The following DSCAM variants were observed in gnomAD, a reference collection of about 807,000 sequenced individuals.
DSCAM encodes DS cell adhesion molecule.
A neutral mutation model predicts 217.7 loss-of-function variants in DSCAM; 47 were observed. The ratio of observed to expected loss-of-function variants is 0.22; its 90% CI spans 0.17 to 0.28. DSCAM has a LOEUF of 0.28. DSCAM is among the 10% of genes least tolerant of loss of function. The pLI, the probability that DSCAM is intolerant of heterozygous loss-of-function variation, is 1.00. For missense variants in DSCAM, 2,080 were observed against 2,618.3 expected, an observed-to-expected ratio of 0.79 and a Z score of 4.49; for synonymous variants, 1,056 against 1,015.3, an observed-to-expected ratio of 1.04 and a Z score of -0.76.
chr21:40,157,284 A>G (rs191252329), intron 16 of DSCAM, among the ~76,000 whole-genome samples: 240 of 152,316 alleles, frequency 1.6e-3, no homozygotes, highest in African/African-American at 5.2e-3. Context: ...AGCTGAAAAT[A>G]TCTGCTCTCT....
chr21:40,351,798 G>A (rs2074634094), intron 5 of DSCAM, among the ~76,000 whole-genome samples: 1 of 152,298 alleles, frequency 6.6e-6, no homozygotes, highest in East Asian at 1.9e-4. Flanking sequence ...CGCCTTTAGA[G>A]AGAAAGCAGT....
intron 32 of DSCAM, among the ~76,000 whole-genome samples, chr21:40,037,007 G>T (rs535487753): frequency 0.018 from 2,697 of 150,414 alleles, 301 homozygotes; most frequent in African/African-American, 0.064. Context: ...GGTATTGATG[G>T]GACGTATTTC....
intron 3 of DSCAM, among the ~76,000 whole-genome samples, chr21:40,683,020 G>T (rs1297004859): frequency 2.6e-5 from 4 of 152,212 alleles, no homozygotes; most frequent in African/African-American, 9.6e-5. Context: ...AGTCAGTCAT[G>T]TAAGGACAGC....
chr21:40,718,917 G>C (rs1439306721), intron 1 of DSCAM, among the ~76,000 whole-genome samples: 2 of 152,004 alleles, frequency 1.3e-5, no homozygotes, highest in African/African-American at 4.8e-5. Flanking sequence ...CTTGAGCCCA[G>C]GAATTCAAGA....
chr21:40,447,570 T>A (rs972904143), intron 3 of DSCAM, among the ~76,000 whole-genome samples: 1 of 152,216 alleles, frequency 6.6e-6, no homozygotes, highest in Non-Finnish European at 1.5e-5. Context: ...GAAAGACTGA[T>A]TCTAATTTAC....
At position 40,764,477 on chromosome 21, in the gene DSCAM, T is replaced by C. The variant is rs189976074; in HGVS notation, c.44-55706A>G. Among the ~76,000 whole-genome samples the C allele has an allele frequency of 2.0e-5, 3 of 152,142 alleles. No individual in the cohort carries two copies. In the East Asian group the frequency reaches 5.8e-4, roughly 29 times the overall value. On this transcript the variant is annotated intron_variant, in intron 1 of 32. Transcript: ENST00000400454. The stretch of plus-strand genomic sequence containing the variant: ...AGACGCTGGTGAGGATGCAGAGAAA[T>C]AGGAACACTTTCACACTGTTGGTGG...
chr21:40,548,601 T>C (rs1014275192), intron 3 of DSCAM, among the ~76,000 whole-genome samples: 6 of 152,032 alleles, frequency 3.9e-5, no homozygotes, highest in African/African-American at 1.4e-4. Flanking sequence ...GCACGTGCAA[T>C]TTCCTGAAAC....
intron 3 of DSCAM, among the ~76,000 whole-genome samples, chr21:40,392,709 CA>C (rs917818450): frequency 1.3e-5 from 2 of 152,126 alleles, no homozygotes; most frequent in African/African-American, 4.8e-5. Flanking sequence ...GCATTTCCCC[CA>C]GGTCCTGCCA....
chr21:40,675,464 C>G (rs1253457449), intron 3 of DSCAM, among the ~76,000 whole-genome samples: 1 of 152,198 alleles, frequency 6.6e-6, no homozygotes, highest in Admixed American at 6.5e-5. Context: ...CCTATAGAAT[C>G]CCCACGCCAA....
At chr21:40,167,046 T>C (rs923763267) in intron 16 of DSCAM, among the ~76,000 whole-genome samples, 172 bp downstream of exon 16, 1 of 151,610 alleles carries the variant, frequency 6.6e-6, no homozygotes, top group African/African-American at 2.4e-5. Context: ...GCTGTAAAAG[T>C]ATTCAAAATG....
intron 3 of DSCAM, among the ~76,000 whole-genome samples, chr21:40,459,591 C>T (rs1000048334): frequency 3.3e-5 from 5 of 152,078 alleles, no homozygotes; most frequent in East Asian, 3.9e-4. Flanking sequence ...ATGAACAGCA[C>T]GTTGAAATGC....
Position 40,338,368 on chromosome 21 carries a change from T to C in DSCAM, c.1516A>G (p.Ser506Gly). ...GTGATGTTTTTCATTGGTCGAATGC[T>C]TGCAGGCCCTGGAGAGACACAAAGA... The part of the protein sequence containing the change: ...QARINVRGPA[S>G]IRPMKNITAI... Residue 506 changes from serine to glycine, a missense_variant, in exon 8 of 33, where the codon AGC (serine) becomes GGC (glycine). Around this residue, in one of 5 missense-constraint regions of DSCAM, gnomAD observed 568 missense variants for 678.1 expected, o/e 0.84. Coordinates refer to ENST00000400454, the MANE Select transcript of DSCAM (RefSeq NM_001389.5). 1 of 1,612,682 alleles carries C rather than the reference T, an allele frequency of 6.2e-7. No individual in the cohort carries two copies.
chr21:40,223,934 C>T (rs1266256094), intron 11 of DSCAM, among the ~76,000 whole-genome samples: 2 of 152,314 alleles, frequency 1.3e-5, no homozygotes, highest in South Asian at 2.1e-4. Context: ...GAAACCCCTA[C>T]CCCACCCCAC....
intron 4 of DSCAM, among the ~76,000 whole-genome samples, chr21:40,357,181 T>C (rs1318004633): frequency 1.3e-5 from 2 of 152,216 alleles, no homozygotes; most frequent in Admixed American, 6.5e-5. Context: ...AATACCCAGG[T>C]ACAGAGCCTG....
chr21:40,206,575 T>A (rs1213394211), intron 11 of DSCAM, among the ~76,000 whole-genome samples: 1 of 152,076 alleles, frequency 6.6e-6, no homozygotes, highest in Non-Finnish European at 1.5e-5. Flanking sequence ...CATTTCCACA[T>A]AGCTATTTGG....
intron 3 of DSCAM, among the ~76,000 whole-genome samples, chr21:40,405,414 G>A (rs1421561380): frequency 6.6e-6 from 1 of 152,126 alleles, no homozygotes; most frequent in Non-Finnish European, 1.5e-5. Context: ...GTGGTCCCCA[G>A]TAGAAAAGCC....
intron 3 of DSCAM, among the ~76,000 whole-genome samples, chr21:40,540,736 C>T (rs2076536722): frequency 6.6e-6 from 1 of 152,200 alleles, no homozygotes; most frequent in South Asian, 2.1e-4. Context: ...CCATCCCTCC[C>T]AGCCTTTCTG....
chr21:40,149,590 T>C (rs2090400740), intron 16 of DSCAM, among the ~76,000 whole-genome samples: 1 of 139,296 alleles, frequency 7.2e-6, no homozygotes, highest in Non-Finnish European at 1.5e-5. Context: ...CCAACACCAC[T>C]GTCACCACCA....
At chr21:40,176,613 C>G (rs2090734962) in intron 15 of DSCAM, among the ~76,000 whole-genome samples, 1 of 152,014 alleles carries the variant, frequency 6.6e-6, no homozygotes, top group Admixed American at 6.5e-5. Context: ...GTCATGCAAA[C>G]CTATGAACCA....
Sources: allele counts gnomAD v4.1 joint callset (sites outside exome capture counted in the v4.1 genomes callset), GRCh38; gene constraint gnomAD v4.1.1; regional missense constraint gnomAD v4.1.1; transcripts MANE v1.5; gene names NCBI Gene and HGNC (gene_info 2026-07-23, HGNC 2026-07-21).